PDE8B: variants seen among roughly 807,000 people sequenced by gnomAD.
PDE8B encodes high affinity cAMP-specific and IBMX-insensitive 3',5'-cyclic phosphodiesterase 8B.
Under a neutral mutation model 101.3 loss-of-function variants are expected in PDE8B, and 26 were observed. The observed-to-expected ratio is 0.26, with a 90% CI of 0.19 to 0.36. The LOEUF is 0.36. PDE8B is among the 10% of genes least tolerant of loss of function. The pLI, the probability that PDE8B is intolerant of heterozygous loss-of-function variation, is 1.00. For synonymous variants in PDE8B, 424 were observed against 429.3 expected (o/e 0.99, Z 0.15); for missense variants, 810 against 1,163.1 (o/e 0.70, Z 4.42).
intron 20 of PDE8B, among the ~76,000 whole-genome samples, chr5:77,425,248 A>G (rs1266551436): frequency 1.3e-5 from 2 of 152,180 alleles, no homozygotes; most frequent in Admixed American, 6.5e-5. Flanking sequence ...GTGTCAGGAG[A>G]TGCTATGGTA....
intron 10 of PDE8B, among the ~76,000 whole-genome samples, chr5:77,387,558 G>T (rs1225002131): frequency 6.6e-6 from 1 of 152,098 alleles, no homozygotes; most frequent in Non-Finnish European, 1.5e-5. Flanking sequence ...GTGTCTTGGG[G>T]TTGCTCTTCT....
chr5:77,143,944 A>G, the PDE8B span: 1 of 147,860 alleles, frequency 6.8e-6, no homozygotes, highest in African/African-American at 2.5e-5. Flanking sequence ...AGTTGTTTGC[A>G]TACATCAGTA....
chr5:77,291,065 G>C, intron 1 of PDE8B: 1 of 1,611,716 alleles, frequency 6.2e-7, no homozygotes. Flanking sequence ...GGAGAAGTTT[G>C]TTGGAACTTG....
At chr5:77,139,952 G>C in the PDE8B span, 3 of 152,118 alleles carry the variant, frequency 2.0e-5, no homozygotes, top group South Asian at 6.2e-4. Context: ...TTCATGATCT[G>C]ACCCTCAAGG....
At chr5:77,333,547 G>A (rs1246299303) in intron 5 of PDE8B, among the ~76,000 whole-genome samples, 2 of 152,130 alleles carry the variant, frequency 1.3e-5, no homozygotes, top group East Asian at 3.9e-4. Context: ...GACACACTGT[G>A]GGTTTTATCG....
chr5:77,395,875 T>C (rs1790939307), intron 10 of PDE8B, among the ~76,000 whole-genome samples: 1 of 152,204 alleles, frequency 6.6e-6, no homozygotes, highest in Admixed American at 6.5e-5. Flanking sequence ...CTGCTTCATC[T>C]GGGGTGCTCC....
chr5:77,214,592 A>G (rs1200239693), intron 1 of PDE8B, among the ~76,000 whole-genome samples: 1 of 152,224 alleles, frequency 6.6e-6, no homozygotes, highest in Non-Finnish European at 1.5e-5. Flanking sequence ...ATTTGTGAGG[A>G]TAATCCTGAG....
chr5:77,308,368 G>A (rs1298015636), intron 1 of PDE8B, among the ~76,000 whole-genome samples: 2 of 152,192 alleles, frequency 1.3e-5, no homozygotes, highest in African/African-American at 2.4e-5. Context: ...GTGACAACAC[G>A]TGGGAGGGAG....
chr5:77,343,079 TTCCATGA>T, intron 6 of PDE8B, among the ~76,000 whole-genome samples: 1 of 152,334 alleles, frequency 6.6e-6, no homozygotes, highest in African/African-American at 2.4e-5. Flanking sequence ...ACATAGTCCA[TTCCATGA>T]TCCACGAAGA....
the PDE8B span, chr5:77,146,710 G>A: frequency 3.2e-6 from 1 of 316,452 alleles, no homozygotes; most frequent in Admixed American, 3.5e-5. Flanking sequence ...TCAGAGAGGT[G>A]CAAGACCATG....
intron 10 of PDE8B, among the ~76,000 whole-genome samples, chr5:77,360,683 C>A (rs1166013467): frequency 1.3e-5 from 2 of 152,094 alleles, no homozygotes; most frequent in African/African-American, 2.4e-5. Context: ...GCTAATGAGA[C>A]CCCCATTTAC....
rs144491139 is a variant in PDE8B at position 77,233,343 on chromosome 5, A to G, written c.339+22079A>G. Among the ~76,000 whole-genome samples the G allele has an allele frequency of 9.5e-4, 145 of 152,200 alleles. 1 individual carries two copies. Among genetic ancestry groups the G allele is most frequent in the Non-Finnish European group, 1.5e-3 (99 of 67,998 alleles). On this transcript the variant is annotated intron_variant, in intron 1 of 21. Transcript: ENST00000264917. ...TGCTTTCTGGGCTAAGCAGTCCTAC[A>G]TCCCCCTTCCCCAGGAGCAGGTCCT... is the stretch of plus-strand genomic sequence containing the variant.
chr5:77,385,245 T>C (rs2150848060), intron 10 of PDE8B, among the ~76,000 whole-genome samples: 1 of 152,306 alleles, frequency 6.6e-6, no homozygotes, highest in Non-Finnish European at 1.5e-5. Context: ...TTCTAGATTT[T>C]CTGGTTTATT....
At chr5:77,234,192 C>T (rs187116961) in intron 1 of PDE8B, among the ~76,000 whole-genome samples, 5 of 152,202 alleles carry the variant, frequency 3.3e-5, no homozygotes, top group East Asian at 1.9e-4. Flanking sequence ...GAATCTTGAC[C>T]GCACCTCCTA....
the PDE8B span, among the ~76,000 whole-genome samples, chr5:77,132,605 C>A: frequency 6.6e-6 from 1 of 152,226 alleles, no homozygotes; most frequent in African/African-American, 2.4e-5. Context: ...AAATTCCCCA[C>A]GCTGCAGAGA....
intron 1 of PDE8B, among the ~76,000 whole-genome samples, chr5:77,284,093 CT>C (rs1765538388): frequency 6.6e-6 from 1 of 152,162 alleles, no homozygotes; most frequent in Admixed American, 6.5e-5. Context: ...TGCAGAGCAT[CT>C]TTTCACATGC....
At chr5:77,140,598 G>A in the PDE8B span, 1 of 152,122 alleles carries the variant, frequency 6.6e-6, no homozygotes, top group Non-Finnish European at 1.5e-5. Flanking sequence ...AATAGGAATG[G>A]CACCAGGTTC....
chr5:77,312,435 A>AT (rs1352858166), intron 2 of PDE8B, among the ~76,000 whole-genome samples: 1 of 152,136 alleles, frequency 6.6e-6, no homozygotes, highest in East Asian at 1.9e-4. Flanking sequence ...AGACCTAAAC[A>AT]TTTCCCCATT....
chr5:77,162,625 T>A, the PDE8B span, among the ~76,000 whole-genome samples: 20 of 152,218 alleles, frequency 1.3e-4, no homozygotes, highest in Non-Finnish European at 2.6e-4. Context: ...AGTTGATTTT[T>A]GACCAAATAA....
Sources: allele counts gnomAD v4.1 joint callset (sites outside exome capture counted in the v4.1 genomes callset), GRCh38; gene constraint gnomAD v4.1.1; transcripts MANE v1.5; gene names NCBI Gene and HGNC (gene_info 2026-07-23, HGNC 2026-07-21).